PXDN: variants seen among roughly 807,000 people sequenced by gnomAD.
The protein encoded by PXDN is peroxidasin homolog.
A neutral mutation model predicts 140.3 loss-of-function variants in PXDN; 77 were observed. The observed-to-expected ratio is 0.55, with a 90% confidence interval of 0.46 to 0.66. The LOEUF (loss-of-function observed/expected upper bound fraction) is 0.66, where lower values mean the gene tolerates loss of function less well. Among genes scored for constraint, PXDN ranks in the 30% least tolerant of loss-of-function variants. The probability of loss-of-function intolerance (pLI) is 0.00; values close to 1 mark genes in which losing one functional copy is unlikely to be tolerated. For synonymous variants in PXDN, 911 were observed against 857.4 expected, an observed-to-expected ratio of 1.06 and a Z score of -1.09; for missense variants, 1,838 against 2,039.5, an observed-to-expected ratio of 0.90 and a Z score of 1.90.
intron 1 of PXDN, among the ~76,000 whole-genome samples, chr2:1,698,545 G>A (rs187383975): frequency 1.3e-5 from 2 of 152,280 alleles, no homozygotes; most frequent in East Asian, 1.9e-4. Flanking sequence ...TGGACAAATC[G>A]GAATTTAGAA....
chr2:1,674,022 T>TA (rs1683639336), intron 8 of PXDN, among the ~76,000 whole-genome samples: 1 of 152,218 alleles, frequency 6.6e-6, no homozygotes, highest in Non-Finnish European at 1.5e-5. Context: ...TTCACTCAGG[T>TA]ACTTATCCTT....
chr2:1,725,338 A>G (rs1669280503), intron 1 of PXDN, among the ~76,000 whole-genome samples: 1 of 152,198 alleles, frequency 6.6e-6, no homozygotes, highest in Non-Finnish European at 1.5e-5. Flanking sequence ...AGGATTCCCT[A>G]TTTAATAAAT....
intron 12 of PXDN, 99 bp from the exon 13 acceptor site, chr2:1,662,283 A>G: frequency 9.9e-7 from 1 of 1,012,094 alleles, no homozygotes; most frequent in Non-Finnish European, 1.5e-6. Flanking sequence ...CCACTCAGGG[A>G]TGCTGGGAGC....
At chr2:1,696,823 A>T (rs1030361895) in intron 1 of PXDN, among the ~76,000 whole-genome samples, 5 of 152,322 alleles carry the variant, frequency 3.3e-5, no homozygotes, top group African/African-American at 1.2e-4. Flanking sequence ...CTCCTGCTCC[A>T]GAGCAACAGA....
chr2:1,653,822 A>G, intron 15 of PXDN, 37 bp from the exon 16 acceptor site: 1 of 1,508,552 alleles, frequency 6.6e-7, no homozygotes. Context: ...GAAGAATGAA[A>G]CAAATTACTG....
chr2:1,661,404 C>G (rs537648278), intron 13 of PXDN, among the ~76,000 whole-genome samples: 1 of 152,106 alleles, frequency 6.6e-6, no homozygotes, highest in Non-Finnish European at 1.5e-5. Flanking sequence ...GCACTGGCGC[C>G]GAGGGCAAAG....
At chr2:1,728,074 G>A (rs1685230819) in intron 1 of PXDN, among the ~76,000 whole-genome samples, 1 of 152,108 alleles carries the variant, frequency 6.6e-6, no homozygotes, top group Admixed American at 6.6e-5. Flanking sequence ...GAGTAGCCAG[G>A]ACTACAGGCG....
rs144401805 is a variant in PXDN, at chr2:1,661,470, A to C, written c.1681-433T>G. On this transcript the variant is annotated intron_variant, in intron 13 of 22. Transcript: ENST00000252804. ...GTGACCTCCCAGCTGAGGCAGGAAC[A>C]AGAGCAGATGCCTGGGGTGTGTGTG... Among the ~76,000 whole-genome samples the C allele has an allele frequency of 7.6e-3, 1,164 of 152,348 alleles. 7 individuals are homozygous for C. The highest frequency in any genetic ancestry group is 0.012 in the Non-Finnish European group (827 of 68,038).
chr2:1,655,750 T>C (rs914046255), intron 14 of PXDN, among the ~76,000 whole-genome samples: 5 of 118,918 alleles, frequency 4.2e-5, no homozygotes, highest in Non-Finnish European at 8.2e-5. Context: ...GACAGGGACC[T>C]ACCCCCTCCT....
Position 1,649,291 on chromosome 2 carries a change from T to C in PXDN, c.2489A>G (p.Asp830Gly), listed in dbSNP as rs770242290. Residue 830 changes from aspartate (D) to glycine (G), a missense_variant, in exon 17 of 23, where the codon GAC (aspartate) becomes GGC (glycine). Physicochemically the swap from Asp to Gly is moderately conservative, Grantham distance 94 (BLOSUM62 -1). This residue lies in a region of PXDN where 12 missense variants were observed against 34.2 expected (regional missense o/e 0.35). Coordinates refer to ENST00000252804, the MANE Select transcript of PXDN (RefSeq NM_012293.3). The surrounding 1 kb of genome is among the most constrained non-coding windows in gnomAD (Gnocchi z 7.1). ...CTGGCTCAGGGCCACCACCGTGGAGTCGAGGTCGTGGTCCAGGAACTGGCC... is the reference window on the plus strand; with the variant it reads ...CTGGCTCAGGGCCACCACCGTGGAGCCGAGGTCGTGGTCCAGGAACTGGCC... ...QWGQFLDHDLDSTVVALSQAR... is the reference protein window; with the variant it reads ...QWGQFLDHDLGSTVVALSQAR... The C allele has an allele frequency of 2.5e-6, 4 of 1,612,706 alleles. No individual in the cohort carries two copies. Among genetic ancestry groups the C allele is most frequent in the Non-Finnish European group, 3.4e-6 (4 of 1,179,692 alleles).
chr2:1,711,003 C>T (rs1270604159), intron 1 of PXDN, among the ~76,000 whole-genome samples: 3 of 60,014 alleles, frequency 5.0e-5, no homozygotes, highest in Non-Finnish European at 1.0e-4. Flanking sequence ...CCCACTCCAC[C>T]AGCACCCACT....
At chr2:1,731,644 G>A (rs932411274) in intron 1 of PXDN, among the ~76,000 whole-genome samples, 5 of 152,188 alleles carry the variant, frequency 3.3e-5, no homozygotes, top group Non-Finnish European at 7.3e-5. Flanking sequence ...CCAGAAGTGG[G>A]CAGCCACAGA....
intron 12 of PXDN, 144 bp from the exon 13 acceptor site, chr2:1,662,328 C>T (rs1683324555): frequency 9.6e-6 from 7 of 730,776 alleles, no homozygotes; most frequent in Non-Finnish European, 1.6e-5. Context: ...CTTTCTCTGC[C>T]TCCCAGCAGC....
chr2:1,681,169 G>A (rs551384449), intron 6 of PXDN, among the ~76,000 whole-genome samples: 2 of 152,160 alleles, frequency 1.3e-5, no homozygotes, highest in African/African-American at 4.8e-5. Flanking sequence ...GTGCACACTG[G>A]GGTGGAGCCC....
At position 1,740,835 on chromosome 2, in the gene PXDN, G is replaced by A. The variant is rs61133693; in HGVS notation, c.200+3421C>T. ...TGGTGAGAAAAACTGAGAATGAGGA[G>A]CAGCTGTCTGGAGATTCTGCAGGAG... On this transcript the variant is annotated intron_variant, in intron 1 of 22. Coordinates refer to ENST00000252804, the MANE Select transcript of PXDN (RefSeq NM_012293.3). Among the ~76,000 whole-genome samples the A allele has an allele frequency of 1.7e-3, 254 of 152,318 alleles. 1 individual carries two copies. The East Asian group carries it at 0.043, about 26-fold the overall frequency.
At chr2:1,726,701 C>T (rs191508253) in intron 1 of PXDN, among the ~76,000 whole-genome samples, 108 of 152,308 alleles carry the variant, frequency 7.1e-4, no homozygotes, top group Non-Finnish European at 1.4e-3. Context: ...ATGCTAACCC[C>T]TTATCAGATA....
intron 14 of PXDN, among the ~76,000 whole-genome samples, chr2:1,658,767 G>A (rs1447453190): frequency 2.5e-4 from 20 of 81,124 alleles, no homozygotes; most frequent in Non-Finnish European, 4.1e-4. Flanking sequence ...CCCCGGCATC[G>A]GGCTCATTCT....
chr2:1,715,915 G>A (rs1045664568), intron 1 of PXDN, among the ~76,000 whole-genome samples: 4 of 152,226 alleles, frequency 2.6e-5, no homozygotes, highest in African/African-American at 9.6e-5. Flanking sequence ...GCTGCCCAAT[G>A]TGTGCGTATG....
chr2:1,722,536 T>C (rs902775994), intron 1 of PXDN, among the ~76,000 whole-genome samples: 5 of 152,226 alleles, frequency 3.3e-5, no homozygotes, highest in Non-Finnish European at 7.3e-5. Context: ...CAATAACCAG[T>C]TGAAAAAGAC....
Sources: gnomAD v4.1 joint callset for allele counts (sites outside exome capture counted in the v4.1 genomes callset) on GRCh38, gnomAD v4.1.1 for gene constraint, gnomAD v4.1.1 regional missense constraint, Gnocchi (gnomAD v3.1) non-coding constraint, MANE v1.5 for transcripts, NCBI Gene and HGNC (gene_info 2026-07-23, HGNC 2026-07-21) for gene names.